The following FAXC variants were observed in gnomAD, a reference collection of about 807,000 sequenced individuals.
FAXC encodes the protein failed axon connections homolog.
In FAXC, 10 loss-of-function variants were observed where a neutral mutation model predicts 41.9. That is an observed-to-expected ratio of 0.24 (90% CI 0.15 to 0.41). The LOEUF (loss-of-function observed/expected upper bound fraction) is 0.41. Ranked by LOEUF, FAXC falls within the 10% of genes least tolerant of loss-of-function variation. The pLI, the probability that FAXC is intolerant of heterozygous loss-of-function variation, is 1.00. For missense variants in FAXC, 399 were observed against 510.9 expected (o/e 0.78, Z 2.11); for synonymous variants, 183 against 183.8 (o/e 1.00, Z 0.03).
At chr6:99,327,842 C>T (rs972937587) in intron 3 of FAXC, among the ~76,000 whole-genome samples, 1 of 152,124 alleles carries the variant, frequency 6.6e-6, no homozygotes, top group Non-Finnish European at 1.5e-5. Flanking sequence ...GACAGCCAGT[C>T]ACCCTGTGAA....
At chr6:99,289,662 T>C (rs1771154729) in intron 5 of FAXC, among the ~76,000 whole-genome samples, 1 of 143,772 alleles carries the variant, frequency 7.0e-6, no homozygotes, top group South Asian at 2.4e-4. Context: ...TTAAAATATA[T>C]ATGTATATGT....
At chr6:99,335,259 T>G (rs1773175854) in intron 2 of FAXC, among the ~76,000 whole-genome samples, 1 of 152,204 alleles carries the variant, frequency 6.6e-6, no homozygotes, top group Admixed American at 6.5e-5. Flanking sequence ...AAGTAAAAAA[T>G]TTCCTCTTCA....
chr6:99,287,006 T>G (rs1365901885), intron 5 of FAXC, among the ~76,000 whole-genome samples: 1 of 152,108 alleles, frequency 6.6e-6, no homozygotes, highest in East Asian at 1.9e-4. Context: ...GAGCAAGAAA[T>G]GTAGCCTAAG....
chr6:99,333,242 G>T, intron 3 of FAXC, 109 bp downstream of exon 3: 1 of 956,008 alleles, frequency 1.0e-6, no homozygotes, highest in African/African-American at 1.6e-5. Context: ...CACTTCATCC[G>T]AAACTGTTAA....
intron 4 of FAXC, among the ~76,000 whole-genome samples, chr6:99,318,702 C>T (rs1287886316): frequency 6.6e-6 from 1 of 152,182 alleles, no homozygotes; most frequent in Non-Finnish European, 1.5e-5. Flanking sequence ...AAGTACTTTA[C>T]AGAAAGCATT....
chr6:99,291,385 G>A (rs897744152), intron 5 of FAXC, among the ~76,000 whole-genome samples: 4 of 152,204 alleles, frequency 2.6e-5, no homozygotes, highest in Non-Finnish European at 4.4e-5. Flanking sequence ...TGGAATTCAA[G>A]CCCTATTTCA....
Position 99,312,641 on chromosome 6 carries a change from C to G in FAXC, c.823+10803G>C, listed in dbSNP as rs145939150. On this transcript the variant is annotated intron_variant, in intron 4 of 5. Coordinates refer to ENST00000389677, the MANE Select transcript of FAXC (RefSeq NM_032511.4). Reference sequence around the variant, plus strand: ...CTACAGCAGCTTAAGTTTCCAGCTACTATCTCAAACAAAAATCAGAGACTC... The same window carrying G: ...CTACAGCAGCTTAAGTTTCCAGCTAGTATCTCAAACAAAAATCAGAGACTC... 2.0e-5 allele frequency among the ~76,000 whole-genome samples: 3 copies of G among 152,184 alleles called. No homozygotes were observed. In the East Asian group the frequency reaches 5.8e-4, roughly 29 times the overall value.
chr6:99,332,733 G>T (rs1048715561), intron 3 of FAXC, among the ~76,000 whole-genome samples: 2 of 152,142 alleles, frequency 1.3e-5, no homozygotes, highest in African/African-American at 4.8e-5. Context: ...GTTATCTATG[G>T]ACAATTGACC....
At chr6:99,318,166 G>A (rs1036411123) in intron 4 of FAXC, among the ~76,000 whole-genome samples, 1 of 151,856 alleles carries the variant, frequency 6.6e-6, no homozygotes, top group Non-Finnish European at 1.5e-5. Flanking sequence ...GGCTGAGGCA[G>A]GAGAATGGCG....
intron 1 of FAXC, among the ~76,000 whole-genome samples, chr6:99,346,918 T>A (rs1773615526): frequency 6.6e-6 from 1 of 152,208 alleles, no homozygotes; most frequent in Admixed American, 6.5e-5. Context: ...AGCCCTTTTT[T>A]ATTGTTTGCA....
At chr6:99,348,457 C>CGACT (rs1773674668) in intron 1 of FAXC, among the ~76,000 whole-genome samples, 3 of 152,140 alleles carry the variant, frequency 2.0e-5, no homozygotes, top group African/African-American at 7.2e-5. Flanking sequence ...CGGCACTGGG[C>CGACT]GACTCCGTGT....
At chr6:99,310,961 GCAGGTATTAAAA>G (rs1377410873) in intron 4 of FAXC, among the ~76,000 whole-genome samples, 1 of 152,184 alleles carries the variant, frequency 6.6e-6, no homozygotes, top group Non-Finnish European at 1.5e-5. Context: ...AGTAGGAAGA[GCAGGTATTAAAA>G]CAGCCTATCC....
At chr6:99,309,933 C>CA (rs1333191945) in intron 4 of FAXC, 1 of 983,640 alleles carries the variant, frequency 1.0e-6, no homozygotes, top group Non-Finnish European at 1.2e-6. Context: ...CCAACGTAAA[C>CA]ACACAGAAGT....
intron 5 of FAXC, among the ~76,000 whole-genome samples, chr6:99,287,210 C>T (rs1396914255): frequency 2.0e-5 from 3 of 151,940 alleles, no homozygotes; most frequent in African/African-American, 7.2e-5. Flanking sequence ...AGGGAAATGG[C>T]CAAAATACAG....
intron 4 of FAXC, among the ~76,000 whole-genome samples, chr6:99,319,484 C>T (rs983177033): frequency 4.6e-5 from 7 of 151,914 alleles, no homozygotes; most frequent in South Asian, 2.1e-4. Flanking sequence ...ATGCTGGTCA[C>T]GCCTGCCCTC....
chr6:99,339,277 AGCTGCAGGAGCCATTT>A (rs1027373717), intron 2 of FAXC, among the ~76,000 whole-genome samples: 1 of 152,232 alleles, frequency 6.6e-6, no homozygotes, highest in African/African-American at 2.4e-5. Flanking sequence ...TGAACCCCGG[AGCTGCAGGAGCCATTT>A]GGGGGAATGG....
chr6:99,349,961 G>C (rs1773751781), upstream of FAXC: 1 of 152,142 alleles, frequency 6.6e-6, no homozygotes, highest in African/African-American at 2.4e-5. Context: ...CCGGCCCTCC[G>C]CCTGCGCTCC....
rs1773735597 is a variant in FAXC, at chr6:99,349,659, G to C, written c.-287C>G. ...CCTCTCCGCCCCGCTCTTTGTGTCG[G>C]CGCCTGGAGAAGGCCGCGTGATGTC... On this transcript the variant is annotated 5_prime_UTR_variant, in exon 1 of 6. Transcript: ENST00000389677. 1 of 152,080 alleles carries C rather than the reference G, an allele frequency of 6.6e-6. No individual in the cohort carries two copies. The highest frequency in any genetic ancestry group is 2.4e-5 in the African/African-American group (1 of 41,386). 9.4% of individuals were successfully genotyped at this position (152,080 alleles called of 1,614,324 possible). A position where few individuals can be genotyped will look rare whatever the true frequency, so the allele number is the denominator to read the frequency against.
At chr6:99,327,232 A>G (rs1033534453) in intron 3 of FAXC, among the ~76,000 whole-genome samples, 1 of 152,174 alleles carries the variant, frequency 6.6e-6, no homozygotes, top group African/African-American at 2.4e-5. Context: ...AATGTGTATA[A>G]ACTTTAAATA....
Sources: gnomAD v4.1 joint callset for allele counts (sites outside exome capture counted in the v4.1 genomes callset) on GRCh38, gnomAD v4.1.1 for gene constraint, MANE v1.5 for transcripts, NCBI Gene and HGNC (gene_info 2026-07-23, HGNC 2026-07-21) for gene names.